Variants in NBEA observed in about 807,000 individuals in gnomAD.
NBEA encodes the protein lysosomal-trafficking regulator 2.
Under a neutral mutation model 343.4 loss-of-function variants are expected in NBEA, and 44 were observed. The observed-to-expected ratio is 0.13, with a 90% CI of 0.10 to 0.16. The LOEUF (loss-of-function observed/expected upper bound fraction) is 0.16. Ranked by LOEUF, NBEA falls within the 10% of genes least tolerant of loss-of-function variation. The probability of loss-of-function intolerance (pLI) is 1.00; values close to 1 mark genes in which losing one functional copy is unlikely to be tolerated. For missense variants in NBEA, 2,555 were observed against 3,631.3 expected (o/e 0.70, Z 7.62); for synonymous variants, 1,175 against 1,238.7 (o/e 0.95, Z 1.08).
chr13:35,156,994 CTATTT>C (rs767234042), intron 20 of NBEA, 79 bp from the exon 21 acceptor site: 26 of 1,163,566 alleles, frequency 2.2e-5, no homozygotes, highest in Non-Finnish European at 3.0e-5. Context: ...CATATTTTCA[CTATTT>C]TATTTATCAA....
chr13:35,027,512 G>A (rs1203489777), intron 1 of NBEA, among the ~76,000 whole-genome samples: 2 of 151,462 alleles, frequency 1.3e-5, no homozygotes, highest in Admixed American at 6.6e-5. Context: ...GCGTGTTCAT[G>A]TTTTCTGCCC....
intron 31 of NBEA, among the ~76,000 whole-genome samples, chr13:35,204,538 A>T (rs922326480): frequency 2.6e-5 from 4 of 152,108 alleles, no homozygotes; most frequent in African/African-American, 9.7e-5. Context: ...GCCTGCCCCT[A>T]GGTCCCTCCC....
At chr13:35,079,346 T>C (rs1817196007) in intron 10 of NBEA, among the ~76,000 whole-genome samples, 1 of 152,142 alleles carries the variant, frequency 6.6e-6, no homozygotes, top group Admixed American at 6.5e-5. Flanking sequence ...ATGTAATGGT[T>C]ACAAAAATAC....
At chr13:35,257,394 A>G (rs1019163686) in intron 34 of NBEA, among the ~76,000 whole-genome samples, 2 of 152,194 alleles carry the variant, frequency 1.3e-5, no homozygotes, top group Non-Finnish European at 2.9e-5. Context: ...TAATTTCTGT[A>G]CTACTCCTGG....
intron 1 of NBEA, among the ~76,000 whole-genome samples, chr13:34,973,230 G>A (rs1488293320): frequency 6.6e-6 from 1 of 151,882 alleles, no homozygotes; most frequent in South Asian, 2.1e-4. Flanking sequence ...CCTGTAGGAG[G>A]TGGCTGGAGA....
intron 36 of NBEA, among the ~76,000 whole-genome samples, chr13:35,315,149 C>A (rs1254094086): frequency 4.6e-5 from 7 of 152,142 alleles, no homozygotes; most frequent in Non-Finnish European, 1.0e-4. Flanking sequence ...GTTAGAATAT[C>A]AGTCTTTAAT....
intron 38 of NBEA, among the ~76,000 whole-genome samples, chr13:35,428,790 C>G (rs2044888118): frequency 6.6e-6 from 1 of 152,058 alleles, no homozygotes; most frequent in South Asian, 2.1e-4. Flanking sequence ...TAGATTGAAA[C>G]CTGGACCTTT....
chr13:35,542,058 T>C (rs2078853266), intron 41 of NBEA, among the ~76,000 whole-genome samples: 1 of 151,862 alleles, frequency 6.6e-6, no homozygotes, highest in Non-Finnish European at 1.5e-5. Context: ...GGTCCATAAA[T>C]TGATGAATTA....
At chr13:35,290,503 T>C in intron 35 of NBEA, 53 bp downstream of exon 35, 1 of 1,291,724 alleles carries the variant, frequency 7.7e-7, no homozygotes, top group Non-Finnish European at 1.1e-6. Context: ...TTTTTGTGAC[T>C]AATAATAAAA....
At chr13:34,945,800 C>G (rs562663755) in intron 1 of NBEA, among the ~76,000 whole-genome samples, 1 of 152,046 alleles carries the variant, frequency 6.6e-6, no homozygotes, top group South Asian at 2.1e-4. Flanking sequence ...CTCATAAATA[C>G]TTGGTTTTTA....
At chr13:35,341,150 A>G (rs1594279620) in intron 36 of NBEA, among the ~76,000 whole-genome samples, 1 of 152,176 alleles carries the variant, frequency 6.6e-6, no homozygotes, top group East Asian at 1.9e-4. Context: ...TGTCCTTACC[A>G]TTGTTGAAAA....
At position 35,142,283 on chromosome 13, in the gene NBEA, T is replaced by C; in HGVS notation, c.2351T>C (p.Ile784Thr). 6.2e-7 allele frequency: 1 copy of C among 1,610,594 alleles called. No individual in the cohort carries two copies. The highest frequency in any genetic ancestry group is 8.5e-7 in the Non-Finnish European group (1 of 1,177,938). ...CTTCTCTCCAGGAGAAAAGTTGAAA[T>C]TATGCACACCCATAGTCTTTTCACT... ...KHLGHKRKVE[I>T]MHTHSLFTLL... The change falls in exon 18 of 59, where the codon ATT becomes ACT. Residue 784 changes from isoleucine (I) to threonine (T), a missense_variant. Physicochemically the swap from Ile to Thr is moderately conservative, Grantham distance 89 (BLOSUM62 -1). Around this residue, in one of 21 missense-constraint regions of NBEA, gnomAD observed 360 missense variants for 519.1 expected, o/e 0.69. Coordinates refer to ENST00000379939, the MANE Select transcript of NBEA (RefSeq NM_001385012.1).
At chr13:35,547,920 A>T (rs956012302) in intron 41 of NBEA, among the ~76,000 whole-genome samples, 1 of 151,044 alleles carries the variant, frequency 6.6e-6, no homozygotes, top group Non-Finnish European at 1.5e-5. Context: ...TGATGAAGCC[A>T]TTTATGGGAG....
chr13:35,269,689 G>A (rs914508660), intron 34 of NBEA, among the ~76,000 whole-genome samples: 1 of 152,118 alleles, frequency 6.6e-6, no homozygotes, highest in African/African-American at 2.4e-5. Flanking sequence ...AAACAAAAGA[G>A]GAAAATTGGT....
At chr13:35,294,576 G>A (rs1594106540) in intron 35 of NBEA, among the ~76,000 whole-genome samples, 1 of 152,046 alleles carries the variant, frequency 6.6e-6, no homozygotes, top group African/African-American at 2.4e-5. Flanking sequence ...TAATTTGGTA[G>A]TTATTTAGTG....
rs189975614 is a variant in NBEA, at chr13:35,427,854, T to C, written c.6180-4415T>C. Among the ~76,000 whole-genome samples, 633 of 152,296 alleles carry C rather than the reference T, an allele frequency of 4.2e-3. 4 individuals are homozygous for C. The highest frequency in any genetic ancestry group is 0.015 in the African/African-American group (611 of 41,570). ...AATGGCGGGCGCCCCTTCCCCAGTC[T>C]CACTGCCACCTTGCAATTTGATCTC... On this transcript the variant is annotated intron_variant, in intron 38 of 58. Transcript: ENST00000379939.
intron 39 of NBEA, among the ~76,000 whole-genome samples, chr13:35,446,788 G>C (rs1345325314): frequency 6.6e-6 from 1 of 151,854 alleles, no homozygotes; most frequent in Non-Finnish European, 1.5e-5. Context: ...ATATACATTA[G>C]ATAGATACAC....
At chr13:35,616,919 G>A (rs728994) in intron 48 of NBEA, among the ~76,000 whole-genome samples, 2 of 152,038 alleles carry the variant, frequency 1.3e-5, no homozygotes, top group African/African-American at 2.4e-5. Flanking sequence ...TAAGCCTCAC[G>A]GTGTAGCATC....
chr13:35,179,751 G>T, intron 28 of NBEA: 1 of 984,006 alleles, frequency 1.0e-6, no homozygotes, highest in East Asian at 1.1e-4. Flanking sequence ...AGTATTATGG[G>T]ATATTATGGT....
Sources: allele counts gnomAD v4.1 joint callset (sites outside exome capture counted in the v4.1 genomes callset), GRCh38; gene constraint gnomAD v4.1.1; regional missense constraint gnomAD v4.1.1; transcripts MANE v1.5; gene names NCBI Gene and HGNC (gene_info 2026-07-23, HGNC 2026-07-21).